Variants in DSG1 observed in about 807,000 individuals in gnomAD.
DSG1 encodes the protein desmoglein 1.
DSG1 carries 39 observed loss-of-function variants against 97.5 expected under a neutral mutation model. That is an observed-to-expected ratio of 0.40 (90% confidence interval 0.31 to 0.52). The LOEUF (loss-of-function observed/expected upper bound fraction) is 0.52, where lower values mean the gene tolerates loss of function less well. Ranked by LOEUF, DSG1 falls within the 20% of genes least tolerant of loss-of-function variation. The pLI is 0.53. For missense variants in DSG1, 1,311 were observed against 1,295.4 expected (o/e 1.01, Z -0.18); for synonymous variants, 475 against 443.4 (o/e 1.07, Z -0.90).
intron 4 of DSG1, among the ~76,000 whole-genome samples, chr18:31,328,829 T>C (rs2071703039): frequency 6.6e-6 from 1 of 152,156 alleles, no homozygotes; most frequent in Non-Finnish European, 1.5e-5. Context: ...TATACTTTAC[T>C]ATAAATTCAT....
Position 31,336,566 on chromosome 18 carries a change from C to A in DSG1, c.1218C>A (p.Asp406Glu), listed in dbSNP as rs147377474. Reference sequence around the variant, plus strand: ...TGGGATCAAATGATAAAGTGGGAGACTTTGTAGCTACTGACCTGGACACAG... The same window carrying A: ...TGGGATCAAATGATAAAGTGGGAGAATTTGTAGCTACTGACCTGGACACAG... ...GNMGSNDKVG[D>E]FVATDLDTGR... The change falls in exon 9 of 15, where the codon GAC becomes GAA. Residue 406 changes from aspartate (D) to glutamate (E), a missense_variant. Asp to Glu is a conservative substitution (Grantham distance 45). Coordinates refer to ENST00000257192, the MANE Select transcript of DSG1 (RefSeq NM_001942.4). 35 of 1,613,994 alleles carry A rather than the reference C, an allele frequency of 2.2e-5. No individual in the cohort carries two copies. In the African/African-American group the frequency reaches 3.3e-4, roughly 15 times the overall value.
At chr18:31,328,626 T>A (rs2071701684) in intron 4 of DSG1, among the ~76,000 whole-genome samples, 1 of 152,186 alleles carries the variant, frequency 6.6e-6, no homozygotes, top group South Asian at 2.1e-4. Context: ...TAATTTTTCC[T>A]TTTTTAAAAA....
rs944735450 is a variant in DSG1 at position 31,318,202 on chromosome 18, A to G, written c.-99A>G. ...TGCATGTAAGAACATCTACTGAGAAATTATTTTAATCAGACACCAGCTGAG... is the reference window on the plus strand; with the variant it reads ...TGCATGTAAGAACATCTACTGAGAAGTTATTTTAATCAGACACCAGCTGAG... On this transcript the variant is annotated 5_prime_UTR_variant, in exon 1 of 15. Transcript: ENST00000257192. 9 of 1,081,704 alleles carry G rather than the reference A, an allele frequency of 8.3e-6. No individual in the cohort carries two copies. Among genetic ancestry groups the G allele is most frequent in the Admixed American group, 6.8e-5 (4 of 59,092 alleles). The allele number at this position is 1,081,704 out of a possible 1,614,324, so 67.0% of individuals were successfully genotyped here.
Position 31,355,218 on chromosome 18 carries a change from G to T in DSG1, c.3022G>T (p.Gly1008Trp). 1 of 1,604,412 alleles carries T rather than the reference G, an allele frequency of 6.2e-7. No homozygotes were observed. The highest frequency in any genetic ancestry group is 8.5e-7 in the Non-Finnish European group (1 of 1,173,794). The change falls in exon 15 of 15, where the codon GGG (glycine) becomes TGG (tryptophan). Residue 1008 changes from glycine (G) to tryptophan (W), a missense_variant. By Grantham distance (184) the Gly-to-Trp change is radical. Coordinates refer to ENST00000257192, the MANE Select transcript of DSG1 (RefSeq NM_001942.4). ...TGGCATTGGCCTGAGCAGCTTGGGA[G>T]GGACAGCCAGCATTGGCCACATGAG... The part of the protein sequence containing the change: ...GGGIGLSSLG[G>W]TASIGHMRSS...
rs57121909 is a variant in DSG1 at position 31,354,120 on chromosome 18, C to T, written c.2101-177C>T. The T allele has an allele frequency of 0.013, 8,275 of 616,768 alleles. 548 individuals carry two copies. The African/African-American group carries it at 0.14, about 10-fold the overall frequency. 38.2% of individuals were successfully genotyped at this position (616,768 alleles called of 1,614,324 possible). On this transcript the variant is annotated intron_variant, in intron 14 of 14. Transcript: ENST00000257192. Reference sequence around the variant, plus strand: ...GAATTATACTTAAAATGATTTCTAACCAAATTATTTCAAATAATTATAAAA... The same window carrying T: ...GAATTATACTTAAAATGATTTCTAATCAAATTATTTCAAATAATTATAAAA...
At chr18:31,320,865 C>G in intron 1 of DSG1, among the ~76,000 whole-genome samples, 1 of 152,238 alleles carries the variant, frequency 6.6e-6, no homozygotes, top group South Asian at 2.1e-4. Context: ...CCAGAGGGAT[C>G]TCTATGGTTT....
At chr18:31,322,684 A>T (rs1301247042) in intron 1 of DSG1, among the ~76,000 whole-genome samples, 1 of 152,214 alleles carries the variant, frequency 6.6e-6, no homozygotes. Context: ...CATCCTTGCG[A>T]TGTATATAAA....
At chr18:31,326,401 A>T (rs2071686077) in intron 1 of DSG1, among the ~76,000 whole-genome samples, 180 bp from the exon 2 acceptor site, 1 of 152,110 alleles carries the variant, frequency 6.6e-6, no homozygotes, top group African/African-American at 2.4e-5. Context: ...AAAAACAAAA[A>T]TTCTTAGCAT....
intron 1 of DSG1, among the ~76,000 whole-genome samples, 200 bp downstream of exon 1, chr18:31,318,548 G>A (rs1054560457): frequency 3.9e-5 from 6 of 152,090 alleles, no homozygotes; most frequent in Non-Finnish European, 5.9e-5. Flanking sequence ...TAATGCCTCA[G>A]TGTCAACTCA....
rs1010257208 is a variant in DSG1, at chr18:31,332,573, T to TA, written c.684+714dup. On this transcript the variant is annotated intron_variant, in intron 6 of 14. Coordinates refer to ENST00000257192, the MANE Select transcript of DSG1 (RefSeq NM_001942.4). ...TTAAAATAAGTGCTTTTTCATTATT[T>TA]AAAAAAAATTGTCTTTTAATAGAAT... Among the ~76,000 whole-genome samples, 30 of 152,058 alleles carry TA rather than the reference T, an allele frequency of 2.0e-4. 2 individuals are homozygous for TA. In the South Asian group the frequency reaches 5.0e-3, roughly 25 times the overall value.
At position 31,351,296 on chromosome 18, in the gene DSG1, T is replaced by C. The variant is rs1344742595; in HGVS notation, c.2101-3001T>C. Among the ~76,000 whole-genome samples the C allele has an allele frequency of 3.3e-5, 5 of 150,406 alleles. No homozygotes were observed. The East Asian group carries it at 5.8e-4, about 17-fold the overall frequency. On this transcript the variant is annotated intron_variant, in intron 14 of 14. Transcript: ENST00000257192. The stretch of plus-strand genomic sequence containing the variant: ...GAGCGGTTTTAAGTGAGATTCTTAA[T>C]CCTGAGTTCTAGTTTGATTGCACTG...
chr18:31,318,462 A>G (rs532517540), intron 1 of DSG1, 114 bp downstream of exon 1: 1 of 844,370 alleles, frequency 1.2e-6, no homozygotes, highest in South Asian at 1.3e-5. Flanking sequence ...GAAAATGTAT[A>G]TTAATGACAA....
chr18:31,342,636 T>G (rs1480998783), intron 11 of DSG1, among the ~76,000 whole-genome samples: 4 of 152,286 alleles, frequency 2.6e-5, no homozygotes, highest in South Asian at 4.1e-4. Context: ...GTTTTCTATT[T>G]GTATAAGAGT....
chr18:31,320,695 T>C (rs1236279847), intron 1 of DSG1, among the ~76,000 whole-genome samples: 1 of 152,210 alleles, frequency 6.6e-6, no homozygotes, highest in Admixed American at 6.5e-5. Context: ...TTCTTTTTGT[T>C]TCCATGTAAT....
chr18:31,340,119 A>C lies in DSG1; in HGVS notation c.1687+94A>C, dbSNP rs1028402875. ...GATTCTTTGATAAAACGTATTTTAC[A>C]AATTCTCATTTTGTGCAATTATAAA... On this transcript the variant is annotated intron_variant, in intron 11 of 14. Transcript: ENST00000257192. 3 of 1,322,950 alleles carry C rather than the reference A, an allele frequency of 2.3e-6. No individual in the cohort carries two copies. The African/African-American group carries it at 4.4e-5, about 20-fold the overall frequency. 82.0% of individuals were successfully genotyped at this position (1,322,950 alleles called of 1,614,324 possible). A position where few individuals can be genotyped will look rare whatever the true frequency, so the allele number is the denominator to read the frequency against.
intron 14 of DSG1, among the ~76,000 whole-genome samples, chr18:31,350,494 G>GGGA (rs1462734682): frequency 6.6e-6 from 1 of 150,496 alleles, no homozygotes; most frequent in Non-Finnish European, 1.5e-5. Flanking sequence ...AAATGAGTTA[G>GGGA]GGAGGATTCT....
intron 13 of DSG1, 22 bp from the exon 14 acceptor site, chr18:31,345,968 T>A (rs1194335141): frequency 6.3e-7 from 1 of 1,599,820 alleles, no homozygotes; most frequent in East Asian, 2.3e-5. Context: ...GAAAATAAAT[T>A]TAATTTGATC....
intron 11 of DSG1, among the ~76,000 whole-genome samples, chr18:31,342,483 T>C (rs1230861475): frequency 6.6e-6 from 1 of 152,096 alleles, no homozygotes; most frequent in Non-Finnish European, 1.5e-5. Flanking sequence ...TCCTCCTTCT[T>C]CACAATTTTA....
chr18:31,355,173 G>T lies in DSG1; in HGVS notation c.2977G>T (p.Gly993Ter). 6.2e-7 allele frequency: 1 copy of T among 1,605,134 alleles called. No individual in the cohort carries two copies. The highest frequency in any genetic ancestry group is 8.5e-7 in the Non-Finnish European group (1 of 1,174,548). The change falls in exon 15 of 15, where the codon GGA becomes TGA. Residue 993 changes from glycine (G) to a stop codon, truncating the protein, a stop_gained. Coordinates refer to ENST00000257192, the MANE Select transcript of DSG1 (RefSeq NM_001942.4). LOFTEE classifies it high-confidence loss of function. The part of the protein sequence containing the change: ...SMGAGSGALS[G>*]AGISGGGIGL... ...GGGTGCTGGGAGCGGTGCCCTGAGT[G>T]GAGCTGGCATAAGTGGTGGTGGCAT...
Sources: allele counts gnomAD v4.1 joint callset (sites outside exome capture counted in the v4.1 genomes callset), GRCh38; gene constraint gnomAD v4.1.1; transcripts MANE v1.5; gene names NCBI Gene and HGNC (gene_info 2026-07-23, HGNC 2026-07-21).